Variants in NELL1 observed in about 807,000 individuals in gnomAD.
NELL1 encodes neural EGFL like 1, also known as protein kinase C-binding protein NELL1.
A neutral mutation model predicts 107.4 loss-of-function variants in NELL1; 76 were observed. That is an observed-to-expected ratio of 0.71 (90% CI 0.59 to 0.86). The LOEUF is 0.86. NELL1 is among the 40% of genes least tolerant of loss of function. NELL1 has a pLI of 0.00. For synonymous variants in NELL1, 353 were observed against 341.2 expected, an observed-to-expected ratio of 1.03 and a Z score of -0.38; for missense variants, 1,024 against 1,005.5, an observed-to-expected ratio of 1.02 and a Z score of -0.25.
At chr11:21,394,762 T>G (rs1465731302) in intron 15 of NELL1, among the ~76,000 whole-genome samples, 2 of 151,538 alleles carry the variant, frequency 1.3e-5, no homozygotes, top group East Asian at 3.9e-4. Flanking sequence ...TGAGTCATCA[T>G]GTTTTAAAAT....
rs541296120 is a variant in NELL1, at chr11:21,398,504, G to A, written c.1645+27556G>A. Reference sequence around the variant, plus strand: ...GGTGAGAAAAAAGATCCAAGAGGGAGCATAAATTAGGTTTGGAAAGAATGA... The same window carrying A: ...GGTGAGAAAAAAGATCCAAGAGGGAACATAAATTAGGTTTGGAAAGAATGA... On this transcript the variant is annotated intron_variant, in intron 15 of 19. Transcript: ENST00000357134. Among the ~76,000 whole-genome samples, 73 of 151,762 alleles carry A rather than the reference G, an allele frequency of 4.8e-4. 1 individual carries two copies. Among genetic ancestry groups the A allele is most frequent in the Admixed American group, 9.2e-4 (14 of 15,206 alleles).
rs1463630353 is a variant in NELL1, at chr11:20,743,786, G to T, written c.185-39894G>T. Among the ~76,000 whole-genome samples the T allele has an allele frequency of 3.9e-5, 6 of 152,202 alleles. No homozygotes were observed. The East Asian group carries it at 9.7e-4, about 25-fold the overall frequency. On this transcript the variant is annotated intron_variant, in intron 2 of 19. Coordinates refer to ENST00000357134, the MANE Select transcript of NELL1 (RefSeq NM_006157.5). ...ATCATCTGTACACTGATGACACTTAGATTTATATTTCTAACTCACACCACT... is the reference window on the plus strand; with the variant it reads ...ATCATCTGTACACTGATGACACTTATATTTATATTTCTAACTCACACCACT...
chr11:21,450,333 T>TAAAC (rs1420152093), intron 15 of NELL1, among the ~76,000 whole-genome samples: 1 of 152,184 alleles, frequency 6.6e-6, no homozygotes, highest in African/African-American at 2.4e-5. Flanking sequence ...TGCAAAGTCT[T>TAAAC]AAACAGCGGA....
At chr11:21,496,185 T>C (rs1854972418) in intron 15 of NELL1, among the ~76,000 whole-genome samples, 2 of 151,926 alleles carry the variant, frequency 1.3e-5, no homozygotes. Context: ...GTAATTTATA[T>C]TTTTTGAAAA....
chr11:21,369,610 G>T (rs1035033101), intron 14 of NELL1, among the ~76,000 whole-genome samples: 5 of 152,016 alleles, frequency 3.3e-5, no homozygotes, highest in Non-Finnish European at 7.4e-5. Context: ...GGCTTTTGAA[G>T]TTACACTCAT....
chr11:20,741,289 A>G (rs1376737862), intron 2 of NELL1, among the ~76,000 whole-genome samples: 1 of 151,956 alleles, frequency 6.6e-6, no homozygotes, highest in Non-Finnish European at 1.5e-5. Flanking sequence ...CGTCCCAAAT[A>G]CAGACCATTT....
intron 12 of NELL1, among the ~76,000 whole-genome samples, chr11:21,033,384 T>TC (rs1159596078): frequency 2.2e-4 from 33 of 152,272 alleles, no homozygotes; most frequent in African/African-American, 7.2e-4. Flanking sequence ...CTTTCCCTCC[T>TC]CCCACCCTCC....
chr11:21,061,962 A>G (rs999001639), intron 12 of NELL1, among the ~76,000 whole-genome samples: 1 of 152,148 alleles, frequency 6.6e-6, no homozygotes, highest in Non-Finnish European at 1.5e-5. Flanking sequence ...CTCTCCTTGA[A>G]GGGAGTGAGT....
chr11:20,857,261 G>A (rs1438812501), intron 4 of NELL1, among the ~76,000 whole-genome samples: 1 of 152,084 alleles, frequency 6.6e-6, no homozygotes, highest in Non-Finnish European at 1.5e-5. Context: ...TGAGAGAGCT[G>A]CTGATGAGAG....
intron 12 of NELL1, among the ~76,000 whole-genome samples, chr11:21,094,881 T>C (rs1398961888): frequency 7.2e-5 from 11 of 152,232 alleles, no homozygotes. Flanking sequence ...CCTGGAGATA[T>C]TCTCCCCATT....
rs1359225054 is a variant in NELL1 at position 21,479,728 on chromosome 11, T to C, written c.1646-54646T>C. ...ATAAAGAAAGGAGAAATGCTTGGGG[T>C]GATGAATATCCCATTTGTCCTGTTG... On this transcript the variant is annotated intron_variant, in intron 15 of 19. Coordinates refer to ENST00000357134, the MANE Select transcript of NELL1 (RefSeq NM_006157.5). 2.0e-5 allele frequency among the ~76,000 whole-genome samples: 3 copies of C among 152,176 alleles called. No homozygotes were observed. The East Asian group carries it at 5.8e-4, about 29-fold the overall frequency.
At chr11:21,553,049 A>C (rs972178414) in intron 16 of NELL1, among the ~76,000 whole-genome samples, 1 of 151,846 alleles carries the variant, frequency 6.6e-6, no homozygotes, top group East Asian at 1.9e-4. Flanking sequence ...CTGTATTGAC[A>C]ATGTTTTTAG....
chr11:20,868,050 C>T (rs1340539262), intron 4 of NELL1, among the ~76,000 whole-genome samples: 1 of 152,154 alleles, frequency 6.6e-6, no homozygotes, highest in African/African-American at 2.4e-5. Context: ...TACAGTGTGT[C>T]AGGGGTTTAC....
At chr11:21,023,472 C>T (rs1357562892) in intron 12 of NELL1, among the ~76,000 whole-genome samples, 1 of 151,950 alleles carries the variant, frequency 6.6e-6, no homozygotes, top group African/African-American at 2.4e-5. Flanking sequence ...GGCAATATGA[C>T]TTTCATTTTA....
chr11:21,180,556 C>A (rs568240587), intron 13 of NELL1, among the ~76,000 whole-genome samples: 1 of 151,758 alleles, frequency 6.6e-6, no homozygotes, highest in South Asian at 2.1e-4. Flanking sequence ...AGAAATAAAT[C>A]ATCTATTTCT....
intron 2 of NELL1, among the ~76,000 whole-genome samples, chr11:20,682,595 A>T (rs114133545): frequency 0.044 from 6,608 of 150,818 alleles, 507 homozygotes; most frequent in African/African-American, 0.16. Flanking sequence ...AGGTATAATT[A>T]TATTATAATA....
chr11:21,495,254 C>T (rs1356952982), intron 15 of NELL1, among the ~76,000 whole-genome samples: 3 of 152,104 alleles, frequency 2.0e-5, no homozygotes, highest in Non-Finnish European at 4.4e-5. Flanking sequence ...TGAAACAATA[C>T]AATCTATGGC....
chr11:20,699,719 A>C (rs1854722762), intron 2 of NELL1, among the ~76,000 whole-genome samples: 2 of 152,162 alleles, frequency 1.3e-5, no homozygotes, highest in African/African-American at 4.8e-5. Flanking sequence ...TATTTTTGCA[A>C]TTGCTGATTG....
rs915353924 is a variant in NELL1, at chr11:21,573,256, G to C, written c.2229G>C (p.Gly743=). 2 of 1,612,316 alleles carry C rather than the reference G, an allele frequency of 1.2e-6. No individual in the cohort carries two copies. Among genetic ancestry groups the C allele is most frequent in the Non-Finnish European group, 1.7e-6 (2 of 1,179,056 alleles). Residue 743 remains glycine (G), a synonymous_variant, in exon 19 of 20, where the codon GGG becomes GGC. Transcript: ENST00000357134. The stretch of plus-strand genomic sequence containing the variant: ...GTGAGTATACAGCTATCTTAGAAGG[G>C]GAATGTTGTCCCCGCTGTGTCAGTG... ...LSCEYTAILE[G]ECCPRCVSDP...
Sources: gnomAD v4.1 joint callset for allele counts (sites outside exome capture counted in the v4.1 genomes callset) on GRCh38, gnomAD v4.1.1 for gene constraint, MANE v1.5 for transcripts, NCBI Gene and HGNC (gene_info 2026-07-23, HGNC 2026-07-21) for gene names.